The following NLGN4X variants were observed in gnomAD, a reference collection of about 807,000 sequenced individuals.
NLGN4X encodes the protein neuroligin 4 X-linked.
Under a neutral mutation model 40.3 loss-of-function variants are expected in NLGN4X, and 3 were observed. The observed-to-expected ratio is 0.07, with a 90% CI of 0.03 to 0.19. The LOEUF (loss-of-function observed/expected upper bound fraction) is 0.19, where lower values mean the gene tolerates loss of function less well. Among genes scored for constraint, NLGN4X ranks in the 10% least tolerant of loss-of-function variants. The pLI is 1.00. For synonymous variants in NLGN4X, 270 were observed against 306.8 expected, an observed-to-expected ratio of 0.88 and a Z score of 1.25; for missense variants, 382 against 708.3, an observed-to-expected ratio of 0.54 and a Z score of 5.23.
chrX:6,008,966 A>G (rs1195486715), intron 3 of NLGN4X, among the ~76,000 whole-genome samples: 1 of 112,268 alleles, frequency 8.9e-6, no homozygotes, highest in Non-Finnish European at 1.9e-5. Flanking sequence ...ACTAGCATGT[A>G]GCTTATTTCT....
intron 3 of NLGN4X, among the ~76,000 whole-genome samples, chrX:5,967,918 T>G (rs890006907): frequency 1.8e-5 from 2 of 111,283 alleles, no homozygotes; most frequent in South Asian, 7.8e-4. Flanking sequence ...CTCTTTATCA[T>G]TTGAGCTCCT....
intron 5 of NLGN4X, among the ~76,000 whole-genome samples, chrX:5,898,294 T>C: frequency 1.2e-5 from 1 of 81,531 alleles, no homozygotes; most frequent in African/African-American, 4.7e-5. Flanking sequence ...CCCGCCCTCC[T>C]TTTCTTTTCC....
chrX:6,191,825 C>T (rs1187898231), intron 1 of NLGN4X, among the ~76,000 whole-genome samples: 1 of 111,528 alleles, frequency 9.0e-6, no homozygotes, highest in Admixed American at 9.5e-5. Flanking sequence ...TGCCACTGCA[C>T]TACAGCCTGG....
At chrX:6,102,372 G>C (rs895196239) in intron 2 of NLGN4X, among the ~76,000 whole-genome samples, 9 of 111,038 alleles carry the variant, frequency 8.1e-5, no homozygotes, top group African/African-American at 3.0e-4. Context: ...GAGGTAATGA[G>C]GTCATGACAG....
intron 3 of NLGN4X, among the ~76,000 whole-genome samples, chrX:5,910,325 GT>G (rs34324227): frequency 0.023 from 2,396 of 105,020 alleles, 27 homozygotes; most frequent in Non-Finnish European, 0.034. Context: ...ATTTTTAAAA[GT>G]TTTTTTTTTT....
rs547548705 is a variant in NLGN4X, at chrX:6,189,210, A to C, written c.-305-37439T>G. On this transcript the variant is annotated intron_variant, in intron 1 of 5. Transcript: ENST00000381095. ...AAATCCTCCACCCCTCCTCAAGGAC[A>C]ACTGATGTCACTGAAGAGTCATGAT... Among the ~76,000 whole-genome samples the C allele has an allele frequency of 4.4e-5, 5 of 112,364 alleles. No homozygotes were observed. In the South Asian group the frequency reaches 1.9e-3, roughly 42 times the overall value.
rs948283927 is a variant in NLGN4X at position 5,891,605 on chromosome X, CTTTT to C, written c.*1208_*1211del. ...AGCCCCACCAAAGGCAAGCTTTCTT[CTTTT>C]TTTGGCAGGGCCCTGAAATGGGAAG... On this transcript the variant is annotated 3_prime_UTR_variant, in exon 6 of 6. Transcript: ENST00000381095. 5 of 245,445 alleles carry C rather than the reference CTTTT, an allele frequency of 2.0e-5. No homozygotes were observed. The highest frequency in any genetic ancestry group is 1.5e-4 in the African/African-American group (5 of 33,748). The allele number at this position is 245,445 out of a possible 1,213,427, so 20.2% of individuals were successfully genotyped here. A position where few individuals can be genotyped will look rare whatever the true frequency, so the allele number is the denominator to read the frequency against.
At chrX:6,038,539 T>A (rs2037078237) in intron 2 of NLGN4X, among the ~76,000 whole-genome samples, 1 of 113,266 alleles carries the variant, frequency 8.8e-6, no homozygotes, top group African/African-American at 3.2e-5. Flanking sequence ...TCACCCAATG[T>A]ATATGCACCT....
At chrX:5,994,222 G>A (rs966634199) in intron 3 of NLGN4X, among the ~76,000 whole-genome samples, 3 of 112,011 alleles carry the variant, frequency 2.7e-5, no homozygotes, top group African/African-American at 6.5e-5. Flanking sequence ...TATGCTTTAT[G>A]CACGTTAGTC....
chrX:6,103,362 A>C (rs1264082974), intron 2 of NLGN4X, among the ~76,000 whole-genome samples: 1 of 111,781 alleles, frequency 8.9e-6, no homozygotes, highest in Non-Finnish European at 1.9e-5. Context: ...TCTGGAAGGA[A>C]AGCTGGGATG....
chrX:6,046,227 C>T (rs1454453913), intron 2 of NLGN4X, among the ~76,000 whole-genome samples: 1 of 111,443 alleles, frequency 9.0e-6, no homozygotes, highest in Non-Finnish European at 1.9e-5. Flanking sequence ...ATCGATACCT[C>T]TTCAAAATAA....
At chrX:6,047,403 G>A (rs767525356) in intron 2 of NLGN4X, among the ~76,000 whole-genome samples, 2 of 111,628 alleles carry the variant, frequency 1.8e-5, no homozygotes, top group South Asian at 3.8e-4. Flanking sequence ...ACCTAAGCCC[G>A]GGACCAAGGC....
chrX:5,927,441 G>A (rs1270161400), intron 3 of NLGN4X, among the ~76,000 whole-genome samples: 2 of 112,052 alleles, frequency 1.8e-5, no homozygotes, highest in African/African-American at 3.2e-5. Context: ...TAAGTATTAC[G>A]TTTGGAGTTC....
chrX:6,083,753 T>A (rs2038428294), intron 2 of NLGN4X, among the ~76,000 whole-genome samples: 1 of 112,120 alleles, frequency 8.9e-6, no homozygotes, highest in South Asian at 3.7e-4. Flanking sequence ...GGGGCACCTT[T>A]AACTAACAGG....
chrX:6,214,519 T>C (rs957607603), intron 1 of NLGN4X, among the ~76,000 whole-genome samples: 1 of 111,641 alleles, frequency 9.0e-6, no homozygotes, highest in African/African-American at 3.3e-5. Context: ...CTTAATCTAA[T>C]GAAGGTAGAT....
rs779960132 is a variant in NLGN4X, at chrX:5,929,414, C to T, written c.626-20175G>A. Among the ~76,000 whole-genome samples, 198 of 111,600 alleles carry T rather than the reference C, an allele frequency of 1.8e-3. 1 individual carries two copies. The highest frequency in any genetic ancestry group is 6.2e-3 in the African/African-American group (191 of 30,782). Reference sequence around the variant, plus strand: ...CCCAGGAGGTGGAGGTTGCAGTGAGCGCCACTGCAGTCCAGCCTGGACAAC... The same window carrying T: ...CCCAGGAGGTGGAGGTTGCAGTGAGTGCCACTGCAGTCCAGCCTGGACAAC... On this transcript the variant is annotated intron_variant, in intron 3 of 5. Coordinates refer to ENST00000381095, the MANE Select transcript of NLGN4X (RefSeq NM_181332.3).
At chrX:6,053,735 C>CA (rs751833573) in intron 2 of NLGN4X, among the ~76,000 whole-genome samples, 2 of 111,984 alleles carry the variant, frequency 1.8e-5, no homozygotes, top group Non-Finnish European at 3.8e-5. Context: ...AGGAATCTTT[C>CA]AGTGCCTGGC....
chrX:6,212,546 T>G (rs1924707711), intron 1 of NLGN4X, among the ~76,000 whole-genome samples: 2 of 111,710 alleles, frequency 1.8e-5, no homozygotes, highest in Admixed American at 1.9e-4. Flanking sequence ...TTATACCTCT[T>G]TATCAAAAGA....
chrX:6,028,451 G>C (rs2036766159), intron 3 of NLGN4X, among the ~76,000 whole-genome samples: 1 of 110,165 alleles, frequency 9.1e-6, no homozygotes, highest in Non-Finnish European at 1.9e-5. Context: ...ACGAGGTCAG[G>C]AGTTCGAGAC....
Sources: gnomAD v4.1 joint callset for allele counts (sites outside exome capture counted in the v4.1 genomes callset) on GRCh38, gnomAD v4.1.1 for gene constraint, MANE v1.5 for transcripts, NCBI Gene and HGNC (gene_info 2026-07-23, HGNC 2026-07-21) for gene names.